TARS3: variants seen among roughly 807,000 people sequenced by gnomAD.
TARS3 encodes threonine--tRNA ligase 2, cytoplasmic.
TARS3 carries 94 observed loss-of-function variants against 103.5 expected under a neutral mutation model. The ratio of observed to expected loss-of-function variants is 0.91; its 90% confidence interval spans 0.77 to 1.08. The LOEUF (loss-of-function observed/expected upper bound fraction) is 1.08, where lower values mean the gene tolerates loss of function less well. Among genes scored for constraint, TARS3 ranks in the 50% least tolerant of loss-of-function variants. The pLI, the probability that TARS3 is intolerant of heterozygous loss-of-function variation, is 0.00. For missense variants in TARS3, 952 were observed against 995.2 expected, an observed-to-expected ratio of 0.96 and a Z score of 0.58; for synonymous variants, 416 against 355.4, an observed-to-expected ratio of 1.17 and a Z score of -1.92.
intron 3 of TARS3, among the ~76,000 whole-genome samples, chr15:101,715,918 T>TTA: frequency 6.6e-6 from 1 of 152,394 alleles, no homozygotes; most frequent in East Asian, 1.9e-4. Context: ...TTTAAAATCT[T>TTA]TATCAATGTG....
intron 12 of TARS3, 31 bp downstream of exon 12, chr15:101,684,044 C>A (rs766210334): frequency 3.1e-6 from 5 of 1,592,090 alleles, no homozygotes; most frequent in Non-Finnish European, 3.4e-6. Context: ...CAATTTGTGA[C>A]CACACTGCTT....
chr15:101,715,043 G>GTTT, intron 3 of TARS3, 80 bp from the exon 4 acceptor site: 42 of 1,097,606 alleles, frequency 3.8e-5, no homozygotes, highest in South Asian at 4.7e-5. Context: ...AATTTCTAGG[G>GTTT]TTTTTTTTTT....
chr15:101,719,137 C>T (rs1900315841), intron 3 of TARS3, among the ~76,000 whole-genome samples: 1 of 152,200 alleles, frequency 6.6e-6, no homozygotes, highest in Non-Finnish European at 1.5e-5. Flanking sequence ...CTAACTGCTG[C>T]CAGGCTGTGG....
chr15:101,686,204 G>A, intron 10 of TARS3, 142 bp from the exon 11 acceptor site: 1 of 656,926 alleles, frequency 1.5e-6, no homozygotes, highest in Admixed American at 3.3e-5. Context: ...TTTTAGGTGT[G>A]GTGGTTTCTG....
chr15:101,724,426 C>CGCGACTGCGGCGAGG lies in TARS3; in HGVS notation c.-54_-40dup, dbSNP rs1318695595. ...AGGCACCGACGCCGAGCGGGGTGCC[C>CGCGACTGCGGCGAGG]GCGACTGCGGCGAGGGCGACGCGGA... On this transcript the variant is annotated 5_prime_UTR_variant, in exon 1 of 19. Coordinates refer to ENST00000335968, the MANE Select transcript of TARS3 (RefSeq NM_152334.3). The CGCGACTGCGGCGAGG allele has an allele frequency of 2.3e-5, 32 of 1,364,070 alleles. No homozygotes were observed. Among genetic ancestry groups the CGCGACTGCGGCGAGG allele is most frequent in the Non-Finnish European group, 3.0e-5 (32 of 1,065,878 alleles). The allele number at this position is 1,364,070 out of a possible 1,614,324, so 84.5% of individuals were successfully genotyped here. A position where few individuals can be genotyped will look rare whatever the true frequency, so the allele number is the denominator to read the frequency against.
chr15:101,658,259 T>C (rs1255204190), intron 16 of TARS3, among the ~76,000 whole-genome samples: 2 of 132,144 alleles, frequency 1.5e-5, no homozygotes, highest in East Asian at 2.1e-4. Context: ...CTTTAGCGGG[T>C]GAATGGCCAA....
chr15:101,690,355 C>G (rs1011282034), intron 10 of TARS3, among the ~76,000 whole-genome samples: 1 of 152,066 alleles, frequency 6.6e-6, no homozygotes, highest in Non-Finnish European at 1.5e-5. Context: ...ATACAACATG[C>G]TTAAATTATG....
chr15:101,697,245 C>A (rs1477532613), intron 10 of TARS3, among the ~76,000 whole-genome samples: 1 of 152,200 alleles, frequency 6.6e-6, no homozygotes, highest in African/African-American at 2.4e-5. Flanking sequence ...TTATGAACCT[C>A]ATGATTCTTC....
chr15:101,698,137 C>G (rs1259077371), intron 10 of TARS3, among the ~76,000 whole-genome samples: 1 of 151,976 alleles, frequency 6.6e-6, no homozygotes, highest in Non-Finnish European at 1.5e-5. Flanking sequence ...GAGATCTAGA[C>G]CATCCTGGCT....
At chr15:101,721,515 G>A (rs1328922969) in intron 2 of TARS3, among the ~76,000 whole-genome samples, 193 bp from the exon 3 acceptor site, 2 of 152,258 alleles carry the variant, frequency 1.3e-5, no homozygotes, top group East Asian at 3.9e-4. Context: ...GTTGTTTTGA[G>A]ATGGAGTCTT....
chr15:101,716,013 C>G (rs191142993), intron 3 of TARS3, among the ~76,000 whole-genome samples: 1 of 150,962 alleles, frequency 6.6e-6, no homozygotes, highest in East Asian at 1.9e-4. Flanking sequence ...TATCCGCTTC[C>G]TTTGCCTATT....
At chr15:101,701,607 G>A (rs1899284129) in intron 9 of TARS3, among the ~76,000 whole-genome samples, 2 of 152,178 alleles carry the variant, frequency 1.3e-5, no homozygotes, top group African/African-American at 4.8e-5. Context: ...AGGCTACCCA[G>A]CAAGGAAGAC....
At chr15:101,710,831 G>A (rs1899827570) in intron 5 of TARS3, among the ~76,000 whole-genome samples, 1 of 152,134 alleles carries the variant, frequency 6.6e-6, no homozygotes, top group African/African-American at 2.4e-5. Context: ...AGAGGGGGGT[G>A]GGAGAACTAT....
At chr15:101,713,963 T>C (rs1217000026) in intron 4 of TARS3, among the ~76,000 whole-genome samples, 1 of 152,198 alleles carries the variant, frequency 6.6e-6, no homozygotes, top group African/African-American at 2.4e-5. Flanking sequence ...ATATGGTTCT[T>C]ATAGTTTAAA....
rs778722488 is a variant in TARS3, at chr15:101,657,860, G to GA, written c.2073-4dup. 3 of 1,568,352 alleles carry GA rather than the reference G, an allele frequency of 1.9e-6. No homozygotes were observed. In the African/African-American group the frequency reaches 4.1e-5, roughly 21 times the overall value. On this transcript the variant is annotated splice_polypyrimidine_tract_variant and splice_region_variant and intron_variant, in intron 16 of 18. Transcript: ENST00000335968. ...GACGAGGAGATAGCCAGAAAGGCCT[G>GA]AAAAATATATATAAAATATGTATTT...
chr15:101,690,945 A>T lies in TARS3; in HGVS notation c.1321-4883T>A, dbSNP rs574773112. ...AATGAAAATTATTTAATGGGTATCA[A>T]TCTTTTTTTTTGAAATGGAGTCTCG... On this transcript the variant is annotated intron_variant, in intron 10 of 18. Transcript: ENST00000335968. Among the ~76,000 whole-genome samples the T allele has an allele frequency of 1.6e-3, 239 of 152,114 alleles. 2 individuals are homozygous for T. The highest frequency in any genetic ancestry group is 5.4e-3 in the African/African-American group (225 of 41,506).
intron 10 of TARS3, among the ~76,000 whole-genome samples, chr15:101,697,749 T>C (rs891488112): frequency 1.7e-4 from 26 of 152,160 alleles, no homozygotes; most frequent in Non-Finnish European, 7.4e-5. Context: ...GTGCACCTAG[T>C]AAGGCTTCTG....
At chr15:101,714,247 T>C (rs1342561267) in intron 4 of TARS3, among the ~76,000 whole-genome samples, 1 of 152,178 alleles carries the variant, frequency 6.6e-6, no homozygotes, top group African/African-American at 2.4e-5. Flanking sequence ...CTACTAACAA[T>C]TCATTTCAAA....
intron 12 of TARS3, 119 bp from the exon 13 acceptor site, chr15:101,675,856 A>G: frequency 8.5e-7 from 1 of 1,170,718 alleles, no homozygotes; most frequent in Non-Finnish European, 1.2e-6. Flanking sequence ...ACAGTTGATG[A>G]TCCTGTTTTG....
Sources: gnomAD v4.1 joint callset for allele counts (sites outside exome capture counted in the v4.1 genomes callset) on GRCh38, gnomAD v4.1.1 for gene constraint, MANE v1.5 for transcripts, NCBI Gene and HGNC (gene_info 2026-07-23, HGNC 2026-07-21) for gene names.